Variants in DGKB observed in about 807,000 individuals in gnomAD.
DGKB encodes 90 kDa diacylglycerol kinase.
In DGKB, 67 loss-of-function variants were observed where a neutral mutation model predicts 114.3. The observed-to-expected ratio is 0.59, with a 90% CI of 0.48 to 0.72. The LOEUF is 0.72. Ranked by LOEUF, DGKB falls within the 30% of genes least tolerant of loss-of-function variation. The pLI, the probability that DGKB is intolerant of heterozygous loss-of-function variation, is 0.00. For synonymous variants in DGKB, 398 were observed against 323.1 expected (o/e 1.23, Z -2.49); for missense variants, 907 against 975.2 (o/e 0.93, Z 0.93).
intron 23 of DGKB, among the ~76,000 whole-genome samples, chr7:14,242,869 T>TTG (rs1359148665): frequency 9.2e-5 from 14 of 151,660 alleles, no homozygotes; most frequent in Non-Finnish European, 1.8e-4. Context: ...GAAGGCTGTT[T>TTG]TTTTTTTTTT....
At chr7:14,683,456 G>C (rs1190282983) in intron 10 of DGKB, among the ~76,000 whole-genome samples, 4 of 152,084 alleles carry the variant, frequency 2.6e-5, no homozygotes, top group African/African-American at 9.7e-5. Flanking sequence ...ATGTCACTAT[G>C]CAAATGTATA....
intron 4 of DGKB, among the ~76,000 whole-genome samples, chr7:14,739,213 G>A (rs1396860983): frequency 2.0e-5 from 3 of 152,198 alleles, no homozygotes; most frequent in South Asian, 2.1e-4. Flanking sequence ...GAAGGTCCCC[G>A]GAGAACCTCC....
intron 20 of DGKB, among the ~76,000 whole-genome samples, chr7:14,570,548 A>ATT (rs1234949974): frequency 6.6e-6 from 1 of 152,086 alleles, no homozygotes; most frequent in African/African-American, 2.4e-5. Context: ...ATTAATATAT[A>ATT]TTTTGTATGT....
rs1320123818 is a variant in DGKB at position 14,689,213 on chromosome 7, T to TA, written c.712-3852_712-3851insT. Among the ~76,000 whole-genome samples the TA allele has an allele frequency of 1.5e-5, 2 of 131,358 alleles. 1 individual carries two copies. The highest frequency in any genetic ancestry group is 5.3e-5 in the African/African-American group (2 of 37,878). The allele number at this position is 131,358 out of a possible 152,430, so 86.2% of individuals were successfully genotyped here. ...AAACTCCTCTTATTTTTTTTTTTTT[T>TA]TTTTTTTTTTTGAGAGGAGTCTCGC... On this transcript the variant is annotated intron_variant, in intron 9 of 25. Coordinates refer to ENST00000402815, the MANE Select transcript of DGKB (RefSeq NM_001350709.2).
intron 1 of DGKB, among the ~76,000 whole-genome samples, chr7:14,912,716 C>T (rs1427108245): frequency 6.6e-6 from 1 of 152,140 alleles, no homozygotes; most frequent in Non-Finnish European, 1.5e-5. Flanking sequence ...GAAAATCTAT[C>T]ATCATAGGTT....
chr7:14,450,898 C>T (rs754819033), intron 21 of DGKB, among the ~76,000 whole-genome samples: 15 of 151,940 alleles, frequency 9.9e-5, no homozygotes, highest in Admixed American at 1.3e-4. Flanking sequence ...AAACAGAGGT[C>T]AGGACAAGTA....
At chr7:14,619,729 C>T (rs10246968) in intron 15 of DGKB, among the ~76,000 whole-genome samples, 48,421 of 151,336 alleles carry the variant, frequency 0.32, 8,102 homozygotes, top group East Asian at 0.68. Context: ...ACTGACTGTG[C>T]CCTTGGGGAA....
At chr7:14,182,587 T>C (rs1478379419) in intron 23 of DGKB, among the ~76,000 whole-genome samples, 1 of 152,134 alleles carries the variant, frequency 6.6e-6, no homozygotes, top group Admixed American at 6.5e-5. Flanking sequence ...CATTTTAAAG[T>C]TTATAAATCT....
In DGKB at chr7:14,210,963, T is replaced by C. The variant is rs180899745; in HGVS notation, c.2123-32812A>G. 2.3e-4 allele frequency among the ~76,000 whole-genome samples: 35 copies of C among 152,162 alleles called. No individual in the cohort carries two copies. In the South Asian group the frequency reaches 2.9e-3, roughly 13 times the overall value. ...ACTGTATCCTTGCCATCTGAATATA[T>C]TGATCCACTTGCAATCCTCTTCAAA... On this transcript the variant is annotated intron_variant, in intron 23 of 25. Transcript: ENST00000402815.
intron 20 of DGKB, among the ~76,000 whole-genome samples, chr7:14,532,184 G>T (rs1460850075): frequency 1.3e-5 from 2 of 150,024 alleles, no homozygotes; most frequent in African/African-American, 2.4e-5. Context: ...CAAAAGAATA[G>T]CTCAGAAAAA....
At chr7:14,467,405 C>T (rs906804019) in intron 21 of DGKB, among the ~76,000 whole-genome samples, 4 of 150,696 alleles carry the variant, frequency 2.7e-5, no homozygotes, top group African/African-American at 9.7e-5. Context: ...TAACTAAATA[C>T]AACTTATGTT....
chr7:14,489,334 A>C (rs1427895478), intron 20 of DGKB, among the ~76,000 whole-genome samples: 1 of 152,212 alleles, frequency 6.6e-6, no homozygotes, highest in Non-Finnish European at 1.5e-5. Flanking sequence ...AAAACTGTTC[A>C]TTTCACAGTA....
At chr7:14,963,757 C>T (rs36917) in intron 1 of DGKB, among the ~76,000 whole-genome samples, 45,063 of 151,928 alleles carry the variant, frequency 0.3, 6,873 homozygotes, top group Admixed American at 0.33. Context: ...TCCCATTTCT[C>T]AGCTAACATT....
intron 21 of DGKB, among the ~76,000 whole-genome samples, chr7:14,451,305 G>A (rs926997335): frequency 1.3e-5 from 2 of 152,128 alleles, no homozygotes; most frequent in Admixed American, 1.3e-4. Flanking sequence ...GAGCAAAAAG[G>A]CTGGGTAAAG....
intron 1 of DGKB, among the ~76,000 whole-genome samples, chr7:14,966,898 A>T (rs1467913084): frequency 6.6e-6 from 1 of 152,206 alleles, no homozygotes; most frequent in African/African-American, 2.4e-5. Context: ...ATAAAAATAA[A>T]ATAATGCAAG....
intron 16 of DGKB, among the ~76,000 whole-genome samples, chr7:14,607,738 T>C (rs562785224): frequency 4.6e-5 from 7 of 152,142 alleles, no homozygotes; most frequent in East Asian, 3.9e-4. Context: ...ATATAGTTCA[T>C]AAGTTAGAAA....
chr7:14,163,120 A>G (rs1205946264), intron 25 of DGKB, among the ~76,000 whole-genome samples: 1 of 152,210 alleles, frequency 6.6e-6, no homozygotes, highest in Non-Finnish European at 1.5e-5. Context: ...TGGAAATTAT[A>G]TATTCCAGAG....
chr7:14,630,452 T>A (rs927316192), intron 13 of DGKB, among the ~76,000 whole-genome samples, 184 bp from the exon 14 acceptor site: 1 of 152,070 alleles, frequency 6.6e-6, no homozygotes, highest in Admixed American at 6.6e-5. Context: ...GAATAAGAAA[T>A]TATCTAACAC....
intron 3 of DGKB, among the ~76,000 whole-genome samples, chr7:14,754,222 G>A (rs1880549): frequency 0.34 from 52,058 of 151,848 alleles, 12,145 homozygotes; most frequent in African/African-American, 0.65. Flanking sequence ...TCCATGTTTT[G>A]ACAAGCCCCC....
Sources: allele counts gnomAD v4.1 joint callset (sites outside exome capture counted in the v4.1 genomes callset), GRCh38; gene constraint gnomAD v4.1.1; transcripts MANE v1.5; gene names NCBI Gene and HGNC (gene_info 2026-07-23, HGNC 2026-07-21).